The following UNC13B variants were observed in gnomAD, a reference collection of about 807,000 sequenced individuals.
UNC13B encodes the protein unc-13 homolog B, also known as protein unc-13 homolog B.
In UNC13B, 144 loss-of-function variants were observed where a neutral mutation model predicts 211.0. That is an observed-to-expected ratio of 0.68 (90% CI 0.60 to 0.78). The LOEUF (loss-of-function observed/expected upper bound fraction) is 0.78. UNC13B is among the 30% of genes least tolerant of loss of function. UNC13B has a pLI of 0.00. For missense variants in UNC13B, 1,777 were observed against 2,002.0 expected (o/e 0.89, Z 2.14); for synonymous variants, 709 against 725.8 (o/e 0.98, Z 0.37).
chr9:35,182,867 C>G (rs1445371534), intron 1 of UNC13B, among the ~76,000 whole-genome samples: 1 of 152,170 alleles, frequency 6.6e-6, no homozygotes, highest in Non-Finnish European at 1.5e-5. Flanking sequence ...CCTATGTCTA[C>G]TTCTTTCTAC....
chr9:35,402,392 C>T (rs1836376091), intron 37 of UNC13B, among the ~76,000 whole-genome samples: 1 of 150,760 alleles, frequency 6.6e-6, no homozygotes, highest in Admixed American at 6.6e-5. Context: ...CACCATTGTT[C>T]TGCCTCAGCC....
intron 9 of UNC13B, among the ~76,000 whole-genome samples, chr9:35,309,094 G>T (rs529469853): frequency 1.6e-3 from 242 of 152,148 alleles, no homozygotes; most frequent in African/African-American, 5.5e-3. Flanking sequence ...CTTCAGTCTC[G>T]AGCAGTGTAC....
chr9:35,172,146 A>G (rs1176509359), intron 1 of UNC13B, among the ~76,000 whole-genome samples: 5 of 150,090 alleles, frequency 3.3e-5, no homozygotes, highest in Non-Finnish European at 5.9e-5. Flanking sequence ...AAGTGCTGAG[A>G]TTACAGGTGT....
chr9:35,377,210 G>A (rs1425503351), intron 15 of UNC13B, among the ~76,000 whole-genome samples: 1 of 152,234 alleles, frequency 6.6e-6, no homozygotes, highest in Non-Finnish European at 1.5e-5. Flanking sequence ...GACGTGAAGA[G>A]ACAGGTAGGA....
chr9:35,384,115 G>A, intron 21 of UNC13B, 131 bp from the exon 22 acceptor site: 2 of 1,400,950 alleles, frequency 1.4e-6, no homozygotes, highest in Non-Finnish European at 1.9e-6. Flanking sequence ...CCCATGGGCA[G>A]GGATGTGTCT....
chr9:35,260,038 C>CA (rs61273217), intron 7 of UNC13B, among the ~76,000 whole-genome samples: 2,169 of 64,774 alleles, frequency 0.033, 545 homozygotes, highest in African/African-American at 0.12. Context: ...CTCATTTCTA[C>CA]AAAAAAAAAA....
At position 35,334,121 on chromosome 9, in the gene UNC13B, A is replaced by G. The variant is rs183708960; in HGVS notation, c.9414+20132A>G. Among the ~76,000 whole-genome samples the G allele has an allele frequency of 5.3e-5, 8 of 152,252 alleles. No homozygotes were observed. The East Asian group carries it at 1.2e-3, about 22-fold the overall frequency. On this transcript the variant is annotated intron_variant, in intron 11 of 39. Transcript: ENST00000635942. ...GCTGGGATTACAGGTGCCCACCACC[A>G]TAACTGGCTAACTTTTATATTTTTA...
chr9:35,390,380 A>G (rs921187014), intron 25 of UNC13B, among the ~76,000 whole-genome samples: 2 of 152,180 alleles, frequency 1.3e-5, no homozygotes, highest in African/African-American at 4.8e-5. Flanking sequence ...CTACCTCTCA[A>G]TTCCCTGCCT....
At chr9:35,230,693 T>C (rs540463336) in intron 2 of UNC13B, among the ~76,000 whole-genome samples, 3 of 152,154 alleles carry the variant, frequency 2.0e-5, no homozygotes, top group African/African-American at 7.2e-5. Context: ...TCTTTCCTAG[T>C]AGGTCAATTA....
At chr9:35,215,376 C>G (rs530048419) in intron 1 of UNC13B, among the ~76,000 whole-genome samples, 1 of 152,276 alleles carries the variant, frequency 6.6e-6, no homozygotes, top group African/African-American at 2.4e-5. Context: ...GTACTCCAGC[C>G]TGGGTGACAG....
chr9:35,289,872 G>C (rs1344152341), intron 7 of UNC13B, among the ~76,000 whole-genome samples: 1 of 152,128 alleles, frequency 6.6e-6, no homozygotes, highest in East Asian at 1.9e-4. Context: ...AGCTTCTTGG[G>C]AGCCTGAGGC....
At chr9:35,257,344 TATAAAA>T (rs1826955500) in intron 6 of UNC13B, among the ~76,000 whole-genome samples, 1 of 124,578 alleles carries the variant, frequency 8.0e-6, no homozygotes, top group African/African-American at 2.9e-5. Flanking sequence ...TATAAATATT[TATAAAA>T]ATATTTATAT....
At chr9:35,317,421 TTGAACTTC>T (rs1236194613) in intron 11 of UNC13B, among the ~76,000 whole-genome samples, 20 of 152,110 alleles carry the variant, frequency 1.3e-4, no homozygotes, top group African/African-American at 3.6e-4. Flanking sequence ...CAGGCTGGTC[TTGAACTTC>T]TGAACTTCTG....
intron 13 of UNC13B, among the ~76,000 whole-genome samples, chr9:35,372,321 C>G (rs1291820238): frequency 6.6e-6 from 1 of 152,228 alleles, no homozygotes; most frequent in African/African-American, 2.4e-5. Flanking sequence ...CACTTGGGCC[C>G]TTCCCAGCTG....
intron 17 of UNC13B, 107 bp from the exon 18 acceptor site, chr9:35,380,363 T>A (rs1834740765): frequency 8.1e-7 from 1 of 1,233,974 alleles, no homozygotes; most frequent in Non-Finnish European, 1.1e-6. Flanking sequence ...TTCTCCTCTT[T>A]CAGGGCCTCA....
chr9:35,268,156 C>A (rs1396433044), intron 7 of UNC13B, among the ~76,000 whole-genome samples: 1 of 152,150 alleles, frequency 6.6e-6, no homozygotes, highest in African/African-American at 2.4e-5. Context: ...GAAGCTCCTC[C>A]TCACTTGGAT....
At chr9:35,272,571 C>G (rs1827955373) in intron 7 of UNC13B, among the ~76,000 whole-genome samples, 1 of 151,812 alleles carries the variant, frequency 6.6e-6, no homozygotes, top group African/African-American at 2.4e-5. Context: ...TTTATTTTTT[C>G]TTTATACTTT....
At chr9:35,288,127 C>T (rs1364393408) in intron 7 of UNC13B, among the ~76,000 whole-genome samples, 1 of 152,102 alleles carries the variant, frequency 6.6e-6, no homozygotes, top group Non-Finnish European at 1.5e-5. Flanking sequence ...TTCCCTAGTC[C>T]AGGCTATCAA....
rs374272326 is a variant in UNC13B at position 35,297,752 on chromosome 9, T to G, written c.761+1822T>G. Among the ~76,000 whole-genome samples, 109 of 151,474 alleles carry G rather than the reference T, an allele frequency of 7.2e-4. 1 individual carries two copies. In the South Asian group the frequency reaches 0.018, roughly 25 times the overall value. On this transcript the variant is annotated intron_variant, in intron 8 of 39. Transcript: ENST00000635942. ...TTTTAGTAGAGACGGGGTTTCACTG[T>G]GTTAGCCAGGATGGTCTCGATCTCC...
Sources: gnomAD v4.1 joint callset for allele counts (sites outside exome capture counted in the v4.1 genomes callset) on GRCh38, gnomAD v4.1.1 for gene constraint, MANE v1.5 for transcripts, NCBI Gene and HGNC (gene_info 2026-07-23, HGNC 2026-07-21) for gene names.